ZNG1E: variants seen among roughly 807,000 people sequenced by gnomAD.
The protein encoded by ZNG1E is Zn regulated GTPase metalloprotein activator 1E, also known as zinc-regulated GTPase metalloprotein activator 1E.
chr9:65,684,565 C>CACACACATTCAT, the ZNG1E span, among the ~76,000 whole-genome samples: 3 of 151,092 alleles, frequency 2.0e-5, no homozygotes, highest in Non-Finnish European at 4.4e-5. Flanking sequence ...CACACACACA[C>CACACACATTCAT]ACACATTCAT....
the ZNG1E span, among the ~76,000 whole-genome samples, chr9:65,669,831 C>G: frequency 1.3e-5 from 2 of 150,104 alleles, no homozygotes; most frequent in Non-Finnish European, 3.0e-5. Context: ...AATATTCTTT[C>G]CTGTCCTTAC....
chr9:65,660,198 G>T, the ZNG1E span, among the ~76,000 whole-genome samples: 1 of 136,790 alleles, frequency 7.3e-6, no homozygotes. Flanking sequence ...AAGACCCTAG[G>T]ATAGATTTCT....
the ZNG1E span, among the ~76,000 whole-genome samples, chr9:65,714,670 G>T: frequency 2.0e-5 from 3 of 152,046 alleles, no homozygotes; most frequent in Admixed American, 2.0e-4. Flanking sequence ...GCCTCTGCTA[G>T]GGGGTGCCTC....
At chr9:65,707,289 C>G in the ZNG1E span, 1 of 119,970 alleles carries the variant, frequency 8.3e-6, no homozygotes, top group African/African-American at 3.3e-5. Flanking sequence ...CCCCGTGCCC[C>G]TTGTTTGTGA....
the ZNG1E span, among the ~76,000 whole-genome samples, chr9:65,684,164 G>A: frequency 6.6e-6 from 1 of 152,138 alleles, no homozygotes; most frequent in East Asian, 1.9e-4. Context: ...GGTAAAGATG[G>A]AACATTCATT....
the ZNG1E span, chr9:65,690,973 T>C: frequency 1.4e-5 from 23 of 1,603,478 alleles, no homozygotes; most frequent in South Asian, 1.7e-4. Flanking sequence ...TCAGGTGCAG[T>C]GACTTCTATG....
chr9:65,714,608 G>A, the ZNG1E span, among the ~76,000 whole-genome samples: 1 of 152,070 alleles, frequency 6.6e-6, no homozygotes, highest in African/African-American at 2.4e-5. Context: ...TAACAGACAG[G>A]ACCTTCAGCT....
At chr9:65,675,185 T>C in the ZNG1E span, among the ~76,000 whole-genome samples, 2 of 152,290 alleles carry the variant, frequency 1.3e-5, no homozygotes, top group African/African-American at 2.4e-5. Context: ...GCGGTGCACA[T>C]AGGTACGTGT....
At chr9:65,668,662 C>A in the ZNG1E span, 1 of 132,208 alleles carries the variant, frequency 7.6e-6, no homozygotes, top group African/African-American at 2.8e-5. Context: ...TCCTGAGTAG[C>A]TGGGACTACT....
the ZNG1E span, among the ~76,000 whole-genome samples, chr9:65,714,087 T>G: frequency 6.7e-6 from 1 of 149,748 alleles, no homozygotes; most frequent in South Asian, 2.1e-4. Flanking sequence ...ACTTCCCTTC[T>G]TGCTTCATTT....
At chr9:65,686,520 C>T in the ZNG1E span, among the ~76,000 whole-genome samples, 1 of 152,034 alleles carries the variant, frequency 6.6e-6, no homozygotes, top group Non-Finnish European at 1.5e-5. Context: ...CCTGTAATCC[C>T]AGTTACTTGG....
At chr9:65,710,953 C>A in the ZNG1E span, among the ~76,000 whole-genome samples, 1 of 145,276 alleles carries the variant, frequency 6.9e-6, no homozygotes, top group African/African-American at 2.6e-5. Flanking sequence ...GGTAGTATGG[C>A]CATTTTCACG....
At chr9:65,717,496 C>T in the ZNG1E span, among the ~76,000 whole-genome samples, 2 of 149,508 alleles carry the variant, frequency 1.3e-5, no homozygotes, top group Non-Finnish European at 2.9e-5. Flanking sequence ...TTCAAGGTTC[C>T]AGCCCTTCAT....
the ZNG1E span, among the ~76,000 whole-genome samples, chr9:65,672,528 G>T: frequency 2.2e-4 from 34 of 151,740 alleles, no homozygotes; most frequent in African/African-American, 7.3e-4. Context: ...GATGGATCAG[G>T]AGGTCAGGAG....
chr9:65,680,857 C>T, the ZNG1E span, among the ~76,000 whole-genome samples: 117 of 150,964 alleles, frequency 7.8e-4, no homozygotes, highest in African/African-American at 2.7e-3. Flanking sequence ...GGCACAGTCT[C>T]GGGTCACTGC....
At chr9:65,679,216 A>C in the ZNG1E span, 1 of 639,416 alleles carries the variant, frequency 1.6e-6, no homozygotes, top group Admixed American at 3.9e-5. Context: ...GCAACATAGT[A>C]AAAGAGTAGC....
At chr9:65,659,078 CTA>C in the ZNG1E span, among the ~76,000 whole-genome samples, 26 of 152,290 alleles carry the variant, frequency 1.7e-4, no homozygotes, top group Non-Finnish European at 3.4e-4. Flanking sequence ...AGTGAAAATC[CTA>C]TGTGTTTCCG....
At chr9:65,663,798 T>C in the ZNG1E span, among the ~76,000 whole-genome samples, 1 of 149,390 alleles carries the variant, frequency 6.7e-6, no homozygotes, top group Non-Finnish European at 1.5e-5. Flanking sequence ...TAATTTTATA[T>C]GCCTCTTGTA....
the ZNG1E span, among the ~76,000 whole-genome samples, chr9:65,660,231 A>G: frequency 2.2e-5 from 3 of 136,926 alleles, no homozygotes; most frequent in African/African-American, 9.4e-5. Flanking sequence ...AATTAAAAGA[A>G]TACTGGATTC....
Sources: gnomAD v4.1 joint callset for allele counts (sites outside exome capture counted in the v4.1 genomes callset) on GRCh38, gnomAD v4.1.1 for gene constraint, MANE v1.5 for transcripts, NCBI Gene and HGNC (gene_info 2026-07-23, HGNC 2026-07-21) for gene names.